The following LY9 variants were observed in gnomAD, a reference collection of about 807,000 sequenced individuals.
LY9 encodes the protein T-lymphocyte surface antigen Ly-9.
In LY9, 59 loss-of-function variants were observed where a neutral mutation model predicts 64.6. The ratio of observed to expected loss-of-function variants is 0.91; its 90% CI spans 0.74 to 1.13. The LOEUF is 1.13. Among genes scored for constraint, LY9 ranks in the 50% most tolerant of loss-of-function variants. The pLI, the probability that LY9 is intolerant of heterozygous loss-of-function variation, is 0.00. For missense variants in LY9, 789 were observed against 797.2 expected (o/e 0.99, Z 0.12); for synonymous variants, 281 against 308.5 (o/e 0.91, Z 0.93).
chr1:160,804,443 T>A (rs1352444207), intron 2 of LY9, among the ~76,000 whole-genome samples: 1 of 152,172 alleles, frequency 6.6e-6, no homozygotes, highest in Non-Finnish European at 1.5e-5. Context: ...TAAATCCCAC[T>A]TGATCATGTA....
intron 2 of LY9, among the ~76,000 whole-genome samples, chr1:160,801,407 C>T (rs474918): frequency 0.77 from 117,371 of 152,152 alleles, 45,540 homozygotes; most frequent in African/African-American, 0.83. Context: ...TAGAATTATT[C>T]GTTTTTTCTT....
rs760747134 is a variant in LY9, at chr1:160,823,478, C to T, written c.1512C>T (p.Gly504=). Residue 504 remains glycine, a synonymous_variant, in exon 8 of 10, where the codon GGC becomes GGT. Coordinates refer to ENST00000263285, the MANE Select transcript of LY9 (RefSeq NM_002348.4). ...AATGTGTTCCAGAACCCACAGCTGG[C>T]CACACGCTATACTCTGTGCTCTCCC... is the stretch of plus-strand genomic sequence containing the variant. ...APADTPEPTA[G]HTLYSVLSQG... 7.5e-6 allele frequency: 12 copies of T among 1,607,686 alleles called. No individual in the cohort carries two copies. The highest frequency in any genetic ancestry group is 1.0e-5 in the Non-Finnish European group (12 of 1,174,944).
At chr1:160,827,463 C>T (rs1229812338) in intron 9 of LY9, among the ~76,000 whole-genome samples, 3 of 152,194 alleles carry the variant, frequency 2.0e-5, no homozygotes, top group African/African-American at 4.8e-5. Context: ...ACAGTAGCTT[C>T]GTGAGGGCAA....
chr1:160,802,267 C>G (rs1304726816), intron 2 of LY9: 1 of 1,020,566 alleles, frequency 9.8e-7, no homozygotes, highest in Non-Finnish European at 1.2e-6. Flanking sequence ...GTCCACCCTG[C>G]AAAGACTCCT....
rs773925355 is a variant in LY9 at position 160,801,798 on chromosome 1, A to G, written c.454+1716A>G. ...CTATTCAATTTTCCCAGCACCATTT[A>G]TTGAAAAGTTGTCCGTCCACGTCAT... On this transcript the variant is annotated intron_variant, in intron 2 of 9. Transcript: ENST00000263285. 3 of 1,613,246 alleles carry G rather than the reference A, an allele frequency of 1.9e-6. No homozygotes were observed. The South Asian group carries it at 3.3e-5, about 18-fold the overall frequency.
chr1:160,807,903 G>A (rs112782012), intron 2 of LY9, among the ~76,000 whole-genome samples: 2,607 of 152,198 alleles, frequency 0.017, 40 homozygotes, highest in Non-Finnish European at 0.027. Context: ...TTGCACTCAG[G>A]CCCCCCAGTG....
intron 2 of LY9, among the ~76,000 whole-genome samples, chr1:160,801,019 A>T (rs1340697601): frequency 6.6e-6 from 1 of 152,258 alleles, no homozygotes; most frequent in East Asian, 1.9e-4. Context: ...GCTGCAATAA[A>T]CATACAAATG....
At chr1:160,796,533 C>T (rs1455043040) in intron 1 of LY9, among the ~76,000 whole-genome samples, 2 of 152,122 alleles carry the variant, frequency 1.3e-5, no homozygotes, top group Non-Finnish European at 2.9e-5. Flanking sequence ...GCTGGGATTA[C>T]AGGTGCATGC....
intron 9 of LY9, 44 bp from the exon 10 acceptor site, chr1:160,827,704 A>G: frequency 6.7e-7 from 1 of 1,497,548 alleles, no homozygotes; most frequent in Non-Finnish European, 9.2e-7. Flanking sequence ...TCACTCTTCC[A>G]AGGCTTTATT....
intron 8 of LY9, 112 bp from the exon 9 acceptor site, chr1:160,824,069 C>T: frequency 7.4e-7 from 1 of 1,346,684 alleles, no homozygotes; most frequent in South Asian, 1.3e-5. Context: ...CAGCTCCCAC[C>T]CTGTGTGTGA....
At chr1:160,815,966 T>C (rs1409857591) in intron 4 of LY9, among the ~76,000 whole-genome samples, 2 of 152,208 alleles carry the variant, frequency 1.3e-5, no homozygotes, top group African/African-American at 2.4e-5. Flanking sequence ...CTGCCTGAGT[T>C]TGTCAATGTC....
rs978673611 is a variant in LY9, at chr1:160,824,294, G to A, written c.1899+45G>A. The stretch of plus-strand genomic sequence containing the variant: ...CTGTATCCCAAGGCCCACAGAGTGA[G>A]GAACTATTCCTTAGACCCTTTGAAC... On this transcript the variant is annotated intron_variant, in intron 9 of 9. Transcript: ENST00000263285. The A allele has an allele frequency of 3.1e-6, 5 of 1,611,632 alleles. No individual in the cohort carries two copies. The African/African-American group carries it at 4.0e-5, about 13-fold the overall frequency.
intron 2 of LY9, among the ~76,000 whole-genome samples, chr1:160,803,289 A>ATTT (rs149273101): frequency 1.3e-5 from 2 of 151,160 alleles, no homozygotes; most frequent in African/African-American, 4.9e-5. Flanking sequence ...TCTAAAAAAA[A>ATTT]ATTTTTTTTT....
At chr1:160,821,259 T>A (rs1668427639) in intron 7 of LY9, among the ~76,000 whole-genome samples, 1 of 151,284 alleles carries the variant, frequency 6.6e-6, no homozygotes, top group East Asian at 2.0e-4. Context: ...AGACAACCAC[T>A]GCTGAGATTT....
chr1:160,823,812 CA>C lies in LY9; in HGVS notation c.1830+18del, dbSNP rs753155035. ...CAACTTACAGGTGAGCCCTTCTGAT[CA>C]ATACACCTTCCTCCTCCTCCCATGT... On this transcript the variant is annotated intron_variant, in intron 8 of 9. Transcript: ENST00000263285. The C allele has an allele frequency of 1.2e-4, 185 of 1,570,130 alleles. 2 individuals are homozygous for C. The highest frequency in any genetic ancestry group is 1.2e-3 in the South Asian group (105 of 89,452).
Position 160,799,900 on chromosome 1 carries a change from G to T in LY9, c.272G>T (p.Arg91Leu). Residue 91 changes from arginine to leucine, a missense_variant, in exon 2 of 10, where the codon CGT (arginine) becomes CTT (leucine). Arg to Leu is a moderately radical substitution (Grantham distance 102). Coordinates refer to ENST00000263285, the MANE Select transcript of LY9 (RefSeq NM_002348.4). ...CCCAAAAATGCTCTTGCTTTCGCACGTCCCAAAGAAAATGTAACCATTATG... is the reference window on the plus strand; with the variant it reads ...CCCAAAAATGCTCTTGCTTTCGCACTTCCCAAAGAAAATGTAACCATTATG... Reference protein sequence around the residue: ...IGPKNALAFARPKENVTIMVK... With the variant: ...IGPKNALAFALPKENVTIMVK... 6.2e-7 allele frequency: 1 copy of T among 1,614,126 alleles called. No individual in the cohort carries two copies. Among genetic ancestry groups the T allele is most frequent in the Non-Finnish European group, 8.5e-7 (1 of 1,180,020 alleles).
Position 160,814,500 on chromosome 1 carries a change from C to A in LY9, c.811C>A (p.Leu271Ile), listed in dbSNP as rs932846797. ...AGAGCCAGTCACCCTGCCACTTGCACTCCCAGCCTGCCGGGACACAGAGAA... is the reference window on the plus strand; with the variant it reads ...AGAGCCAGTCACCCTGCCACTTGCAATCCCAGCCTGCCGGGACACAGAGAA... ...LGEPVTLPLA[L>I]PACRDTEKVV... The change falls in exon 4 of 10, where the codon CTC becomes ATC. Residue 271 changes from leucine to isoleucine, a missense_variant. By Grantham distance (5) the Leu-to-Ile change is conservative (BLOSUM62 2). Coordinates refer to ENST00000263285, the MANE Select transcript of LY9 (RefSeq NM_002348.4). 3 of 1,614,028 alleles carry A rather than the reference C, an allele frequency of 1.9e-6. No homozygotes were observed. In the Admixed American group the frequency reaches 5.0e-5, roughly 27 times the overall value.
rs546065249 is a variant in LY9, at chr1:160,801,007, G to A, written c.454+925G>A. Among the ~76,000 whole-genome samples, 7 of 152,322 alleles carry A rather than the reference G, an allele frequency of 4.6e-5. No individual in the cohort carries two copies. In the South Asian group the frequency reaches 1.0e-3, roughly 23 times the overall value. On this transcript the variant is annotated intron_variant, in intron 2 of 9. Transcript: ENST00000263285. ...TTCTATATCTTTGCTATTGAGAATA[G>A]TGCTGCAATAAACATACAAATGCAG...
At chr1:160,805,920 T>G (rs1160493769) in intron 2 of LY9, among the ~76,000 whole-genome samples, 1 of 64,532 alleles carries the variant, frequency 1.5e-5, no homozygotes, top group Non-Finnish European at 2.7e-5. Context: ...ATTCTTTGTC[T>G]TTTTTTTTTT....
Sources: allele counts gnomAD v4.1 joint callset (sites outside exome capture counted in the v4.1 genomes callset), GRCh38; gene constraint gnomAD v4.1.1; transcripts MANE v1.5; gene names NCBI Gene and HGNC (gene_info 2026-07-23, HGNC 2026-07-21).